TMEM232: variants seen among roughly 807,000 people sequenced by gnomAD.
TMEM232 encodes the protein transmembrane protein 232.
TMEM232 carries 80 observed loss-of-function variants against 78.8 expected under a neutral mutation model. The observed-to-expected ratio is 1.01, with a 90% confidence interval of 0.85 to 1.22. TMEM232 has a LOEUF of 1.22. Ranked by LOEUF, TMEM232 falls within the 50% of genes most tolerant of loss-of-function variation. The pLI is 0.00. For synonymous variants in TMEM232, 297 were observed against 254.3 expected, an observed-to-expected ratio of 1.17 and a Z score of -1.60; for missense variants, 881 against 742.2, an observed-to-expected ratio of 1.19 and a Z score of -2.17.
At chr5:110,679,389 C>A (rs948444925) in intron 1 of TMEM232, among the ~76,000 whole-genome samples, 15 of 151,768 alleles carry the variant, frequency 9.9e-5, no homozygotes, top group African/African-American at 3.6e-4. Flanking sequence ...TTTTTCTTTT[C>A]GAGTTTCTAA....
At position 110,420,329 on chromosome 5, in the gene TMEM232, G is replaced by C; in HGVS notation, c.*251C>G. 3 of 309,742 alleles carry C rather than the reference G, an allele frequency of 9.7e-6. No homozygotes were observed. The highest frequency in any genetic ancestry group is 1.7e-5 in the Non-Finnish European group (3 of 171,904). The allele number at this position is 309,742 out of a possible 1,614,324, so 19.2% of individuals were successfully genotyped here. A position where few individuals can be genotyped will look rare whatever the true frequency, so the allele number is the denominator to read the frequency against. On this transcript the variant is annotated 3_prime_UTR_variant, in exon 14 of 14. Transcript: ENST00000455884. ...TAAAGGTCAATTGAGAAAAATACTA[G>C]ATGTAGTCTTGGAAATTTTTGACTA...
intron 1 of TMEM232, among the ~76,000 whole-genome samples, chr5:110,691,938 T>G (rs1794162184): frequency 6.6e-6 from 1 of 152,226 alleles, no homozygotes; most frequent in African/African-American, 2.4e-5. Flanking sequence ...TTTGTTTTTT[T>G]GGGACGGAGT....
At position 110,513,292 on chromosome 5, in the gene TMEM232, A is replaced by G. The variant is rs1487837403; in HGVS notation, c.1703+15296T>C. Among the ~76,000 whole-genome samples, 3 of 152,190 alleles carry G rather than the reference A, an allele frequency of 2.0e-5. No homozygotes were observed. In the East Asian group the frequency reaches 5.8e-4, roughly 29 times the overall value. Reference sequence around the variant, plus strand: ...AACAAAAGCAAAAATGAACAAGTGGAATTAAACTAAAAACAAAACTTCTGC... The same window carrying G: ...AACAAAAGCAAAAATGAACAAGTGGGATTAAACTAAAAACAAAACTTCTGC... On this transcript the variant is annotated intron_variant, in intron 12 of 13. Transcript: ENST00000455884.
intron 12 of TMEM232, among the ~76,000 whole-genome samples, chr5:110,464,870 T>C (rs1761910809): frequency 6.6e-6 from 1 of 152,172 alleles, no homozygotes. Context: ...TACTCTAAAA[T>C]TTCATGCTAT....
At chr5:110,456,667 A>G (rs1206609726) in intron 12 of TMEM232, among the ~76,000 whole-genome samples, 6 of 152,172 alleles carry the variant, frequency 3.9e-5, no homozygotes, top group African/African-American at 1.4e-4. Flanking sequence ...ATTGACCTCA[A>G]GACAGACAAT....
intron 2 of TMEM232, among the ~76,000 whole-genome samples, chr5:110,732,204 C>T (rs114372051): frequency 0.029 from 4,410 of 152,296 alleles, 175 homozygotes; most frequent in African/African-American, 0.089. Context: ...TCATTATCAG[C>T]ATTTTGTCAA....
chr5:110,402,106 T>C (rs1755623297), intron 2 of TMEM232, among the ~76,000 whole-genome samples: 1 of 152,128 alleles, frequency 6.6e-6, no homozygotes, highest in Non-Finnish European at 1.5e-5. Context: ...AGCTAGATTA[T>C]AATTCTTAAT....
Position 110,631,084 on chromosome 5 carries a change from A to C in TMEM232, c.502-3204T>G, listed in dbSNP as rs78818096. Among the ~76,000 whole-genome samples the C allele has an allele frequency of 2.9e-3, 439 of 152,198 alleles. 3 individuals carry two copies. The highest frequency in any genetic ancestry group is 0.01 in the African/African-American group (420 of 41,526). On this transcript the variant is annotated intron_variant, in intron 5 of 13. Coordinates refer to ENST00000455884, the MANE Select transcript of TMEM232 (RefSeq NM_001039763.4). ...GATAGCCTGCATATCTCCATATCCCAGGAGCCCCAACTGACATTCCCCAGT... is the reference window on the plus strand; with the variant it reads ...GATAGCCTGCATATCTCCATATCCCCGGAGCCCCAACTGACATTCCCCAGT...
intron 11 of TMEM232, among the ~76,000 whole-genome samples, chr5:110,534,540 T>C (rs1772034997): frequency 6.6e-6 from 1 of 152,154 alleles, no homozygotes. Flanking sequence ...CAGACCAACT[T>C]AGACTGTGCC....
At chr5:110,668,738 T>C (rs1283646063) in intron 1 of TMEM232, among the ~76,000 whole-genome samples, 6 of 152,052 alleles carry the variant, frequency 3.9e-5, no homozygotes, top group East Asian at 1.9e-4. Flanking sequence ...GTAAAGCACT[T>C]CTCAGCAAGT....
chr5:110,688,904 T>G (rs1032511930), intron 1 of TMEM232, among the ~76,000 whole-genome samples: 1 of 152,148 alleles, frequency 6.6e-6, no homozygotes, highest in Non-Finnish European at 1.5e-5. Context: ...ATTGATAGCT[T>G]TATAAAAATG....
chr5:110,626,096 A>G (rs533377471), intron 6 of TMEM232, among the ~76,000 whole-genome samples: 2 of 152,080 alleles, frequency 1.3e-5, no homozygotes, highest in African/African-American at 2.4e-5. Flanking sequence ...AAAACAGCCT[A>G]TTGTTAAAGG....
intron 8 of TMEM232, among the ~76,000 whole-genome samples, chr5:110,617,253 T>C (rs903523402): frequency 2.0e-5 from 3 of 152,170 alleles, no homozygotes; most frequent in Non-Finnish European, 4.4e-5. Flanking sequence ...TAGAATGGTA[T>C]AAGGCTTGGG....
intron 12 of TMEM232, among the ~76,000 whole-genome samples, chr5:110,528,269 T>C (rs990937459): frequency 1.3e-5 from 2 of 151,966 alleles, no homozygotes; most frequent in Non-Finnish European, 2.9e-5. Context: ...TATATATGTA[T>C]GTATATAAAC....
intron 12 of TMEM232, among the ~76,000 whole-genome samples, chr5:110,517,038 CCTT>C (rs1768775530): frequency 6.6e-6 from 1 of 152,118 alleles, no homozygotes; most frequent in Non-Finnish European, 1.5e-5. Context: ...CTATAGGAGT[CCTT>C]ATATGTTGGC....
chr5:110,577,584 C>A (rs1777708331), intron 10 of TMEM232, among the ~76,000 whole-genome samples: 1 of 152,042 alleles, frequency 6.6e-6, no homozygotes, highest in African/African-American at 2.4e-5. Context: ...ATATTCACTG[C>A]AGCACTATTC....
intron 1 of TMEM232, among the ~76,000 whole-genome samples, chr5:110,737,426 A>G (rs1049614596): frequency 6.6e-6 from 1 of 152,202 alleles, no homozygotes; most frequent in Non-Finnish European, 1.5e-5. Context: ...GTCAAAAAAT[A>G]TGGTTATTTT....
chr5:110,665,202 T>C (rs1469602524), intron 2 of TMEM232, among the ~76,000 whole-genome samples: 2 of 152,216 alleles, frequency 1.3e-5, no homozygotes, highest in East Asian at 1.9e-4. Context: ...TCAAGAAATT[T>C]TGATCTAGTA....
In TMEM232 at chr5:110,440,910, C is replaced by T. The variant is rs940108110; in HGVS notation, c.1704-15994G>A. Among the ~76,000 whole-genome samples the T allele has an allele frequency of 2.2e-4, 33 of 152,072 alleles. 1 individual carries two copies. Among genetic ancestry groups the T allele is most frequent in the Admixed American group, 1.2e-3 (19 of 15,252 alleles). On this transcript the variant is annotated intron_variant, in intron 12 of 13. Coordinates refer to ENST00000455884, the MANE Select transcript of TMEM232 (RefSeq NM_001039763.4). ...TATGTTTGCTTCTTGCTCACATGTC[C>T]GATGCAGTTCAATAGAAGCTTGCCT...
Sources: gnomAD v4.1 joint callset for allele counts (sites outside exome capture counted in the v4.1 genomes callset) on GRCh38, gnomAD v4.1.1 for gene constraint, MANE v1.5 for transcripts, NCBI Gene and HGNC (gene_info 2026-07-23, HGNC 2026-07-21) for gene names.